Variants in MEGF10 observed in about 807,000 individuals in gnomAD.
MEGF10 encodes the protein multiple epidermal growth factor-like domains protein 10.
A neutral mutation model predicts 147.5 loss-of-function variants in MEGF10; 86 were observed. The ratio of observed to expected loss-of-function variants is 0.58; its 90% CI spans 0.49 to 0.70. MEGF10 has a LOEUF of 0.70. Ranked by LOEUF, MEGF10 falls within the 30% of genes least tolerant of loss-of-function variation. The pLI, the probability that MEGF10 is intolerant of heterozygous loss-of-function variation, is 0.00. For missense variants in MEGF10, 1,329 were observed against 1,487.3 expected (o/e 0.89, Z 1.75); for synonymous variants, 478 against 525.5 (o/e 0.91, Z 1.24).
At chr5:127,322,919 T>C (rs1265310487) in intron 1 of MEGF10, among the ~76,000 whole-genome samples, 1 of 152,046 alleles carries the variant, frequency 6.6e-6, no homozygotes, top group Non-Finnish European at 1.5e-5. Context: ...AAAAAACATA[T>C]ATAATGTGTA....
intron 8 of MEGF10, among the ~76,000 whole-genome samples, chr5:127,406,493 C>T (rs956853596): frequency 3.9e-5 from 6 of 152,096 alleles, no homozygotes; most frequent in Non-Finnish European, 7.4e-5. Flanking sequence ...CAGTCTGTGG[C>T]GGGAGGTGTG....
chr5:127,261,051 T>C, the MEGF10 span, among the ~76,000 whole-genome samples: 1 of 152,186 alleles, frequency 6.6e-6, no homozygotes, highest in Non-Finnish European at 1.5e-5. Flanking sequence ...TGCCTCTGCC[T>C]TCCTTCTTCC....
the MEGF10 span, among the ~76,000 whole-genome samples, chr5:127,244,560 G>A: frequency 2.6e-5 from 4 of 152,164 alleles, no homozygotes; most frequent in African/African-American, 9.6e-5. Flanking sequence ...GCCATATTCA[G>A]GTGGTTCACC....
intron 1 of MEGF10, among the ~76,000 whole-genome samples, chr5:127,296,476 A>G (rs916152222): frequency 1.3e-5 from 2 of 152,202 alleles, no homozygotes; most frequent in Non-Finnish European, 2.9e-5. Flanking sequence ...TTCAGTATGG[A>G]AAACCTCATC....
chr5:127,243,646 A>G, the MEGF10 span, among the ~76,000 whole-genome samples: 2 of 152,154 alleles, frequency 1.3e-5, no homozygotes, highest in Non-Finnish European at 1.5e-5. Flanking sequence ...ATAATCCAAA[A>G]CATGTAAAAG....
chr5:127,455,623 C>G lies in MEGF10; in HGVS notation c.3232+16C>G. On this transcript the variant is annotated intron_variant, in intron 24 of 24. Coordinates refer to ENST00000503335, the MANE Select transcript of MEGF10 (RefSeq NM_001256545.2). ...TATGAAGTTGGTGAGTTCCCTTAAC[C>G]ATAGAAAGAACCGAGTGCTTAAGTT... 1.2e-5 allele frequency: 20 copies of G among 1,610,044 alleles called. No individual in the cohort carries two copies. The highest frequency in any genetic ancestry group is 1.7e-5 in the Non-Finnish European group (20 of 1,177,218).
the MEGF10 span, among the ~76,000 whole-genome samples, chr5:127,255,490 A>G: frequency 1.4e-5 from 2 of 138,386 alleles, no homozygotes; most frequent in South Asian, 5.0e-4. Flanking sequence ...GGGAAGGACT[A>G]TTATCATCCT....
chr5:127,394,033 C>T (rs554814512), intron 5 of MEGF10, among the ~76,000 whole-genome samples: 114 of 152,272 alleles, frequency 7.5e-4, no homozygotes, highest in Non-Finnish European at 1.2e-3. Flanking sequence ...ACCCTGACCA[C>T]AGTGTCACAT....
chr5:127,316,678 A>G (rs1760558975), intron 1 of MEGF10, among the ~76,000 whole-genome samples: 1 of 152,100 alleles, frequency 6.6e-6, no homozygotes, highest in Non-Finnish European at 1.5e-5. Context: ...TCTGAGCTTT[A>G]TTTTTCCTGT....
At chr5:127,335,150 G>C (rs1761412552) in intron 2 of MEGF10, among the ~76,000 whole-genome samples, 1 of 152,184 alleles carries the variant, frequency 6.6e-6, no homozygotes, top group African/African-American at 2.4e-5. Flanking sequence ...AAGTTGTGCA[G>C]AATTGGGATC....
At chr5:127,236,439 G>A in the MEGF10 span, among the ~76,000 whole-genome samples, 1 of 152,164 alleles carries the variant, frequency 6.6e-6, no homozygotes, top group Non-Finnish European at 1.5e-5. Context: ...TACAAAACCA[G>A]GCTATATTTG....
At chr5:127,231,255 G>T in the MEGF10 span, among the ~76,000 whole-genome samples, 5 of 152,144 alleles carry the variant, frequency 3.3e-5, no homozygotes, top group African/African-American at 1.2e-4. Flanking sequence ...CATACTCTTA[G>T]ATTAAAATCG....
At chr5:127,344,504 A>C (rs1761801565) in intron 4 of MEGF10, among the ~76,000 whole-genome samples, 1 of 152,184 alleles carries the variant, frequency 6.6e-6, no homozygotes, top group African/African-American at 2.4e-5. Context: ...GCTTTACCTA[A>C]ATAAAATAAC....
intron 1 of MEGF10, among the ~76,000 whole-genome samples, chr5:127,302,683 G>T (rs1561557361): frequency 6.6e-6 from 1 of 152,186 alleles, no homozygotes; most frequent in Non-Finnish European, 1.5e-5. Context: ...TAGATCAGTT[G>T]ACCCCTGGTC....
At chr5:127,415,876 G>C (rs554896712) in intron 9 of MEGF10, among the ~76,000 whole-genome samples, 1 of 123,468 alleles carries the variant, frequency 8.1e-6, no homozygotes, top group Non-Finnish European at 1.6e-5. Context: ...CAGCCTGGGC[G>C]ACAGAGAAAG....
chr5:127,403,184 G>T (rs976089495), intron 8 of MEGF10, among the ~76,000 whole-genome samples: 1 of 152,154 alleles, frequency 6.6e-6, no homozygotes, highest in Non-Finnish European at 1.5e-5. Context: ...AGAAAAAATG[G>T]CTGTGCTCAT....
At chr5:127,306,484 G>A (rs1353927365) in intron 1 of MEGF10, among the ~76,000 whole-genome samples, 1 of 152,204 alleles carries the variant, frequency 6.6e-6, no homozygotes. Flanking sequence ...ACTCCAGGTA[G>A]AGCAAAACCC....
At chr5:127,404,393 A>G (rs1005320667) in intron 8 of MEGF10, among the ~76,000 whole-genome samples, 1 of 151,972 alleles carries the variant, frequency 6.6e-6, no homozygotes, top group African/African-American at 2.4e-5. Context: ...TGCGGTTTTT[A>G]CCATTGAAAG....
chr5:127,435,213 C>T, intron 15 of MEGF10, 148 bp from the exon 16 acceptor site: 3 of 910,766 alleles, frequency 3.3e-6, no homozygotes. Context: ...AAAATGAGCC[C>T]ATTCAAGATG....
Sources: allele counts gnomAD v4.1 joint callset (sites outside exome capture counted in the v4.1 genomes callset), GRCh38; gene constraint gnomAD v4.1.1; transcripts MANE v1.5; gene names NCBI Gene and HGNC (gene_info 2026-07-23, HGNC 2026-07-21).